Variants in TRPM3 observed in about 807,000 individuals in gnomAD.
TRPM3 encodes the protein transient receptor potential cation channel subfamily M member 3, also known as long transient receptor potential channel 3.
In TRPM3, 77 loss-of-function variants were observed where a neutral mutation model predicts 181.2. The ratio of observed to expected loss-of-function variants is 0.42; its 90% CI spans 0.35 to 0.51. The LOEUF is 0.51. Ranked by LOEUF, TRPM3 falls within the 20% of genes least tolerant of loss-of-function variation. The probability of loss-of-function intolerance (pLI) is 0.01; values close to 1 mark genes in which losing one functional copy is unlikely to be tolerated. For synonymous variants in TRPM3, 745 were observed against 796.4 expected, an observed-to-expected ratio of 0.94 and a Z score of 1.09; for missense variants, 1,759 against 2,196.7, an observed-to-expected ratio of 0.80 and a Z score of 3.98.
intron 24 of TRPM3, 110 bp downstream of exon 24, chr9:70,552,734 G>A (rs2046773526): frequency 2.7e-6 from 3 of 1,125,496 alleles, no homozygotes; most frequent in Middle Eastern, 5.8e-4. Context: ...GCTGTCTGCA[G>A]CCTGCAAGAG....
chr9:70,655,305 CAAAAAAAAAAAAAA>C (rs1169901529), intron 9 of TRPM3, among the ~76,000 whole-genome samples: 1 of 33,186 alleles, frequency 3.0e-5, no homozygotes, highest in South Asian at 2.1e-3. Flanking sequence ...GACTCCGTCT[CAAAAAAAAAAAAAA>C]AAAAAAAAAA....
At chr9:70,817,474 T>C (rs2092798850) in intron 6 of TRPM3, among the ~76,000 whole-genome samples, 1 of 152,226 alleles carries the variant, frequency 6.6e-6, no homozygotes. Context: ...GAAAAATTCC[T>C]GTCTCATTGA....
intron 1 of TRPM3, among the ~76,000 whole-genome samples, chr9:71,117,881 T>C (rs946047315): frequency 8.5e-5 from 13 of 152,132 alleles, no homozygotes; most frequent in Admixed American, 2.6e-4. Flanking sequence ...AGCCTTCCCT[T>C]CAGTAAGTTC....
chr9:70,538,058 T>C (rs969174859), intron 25 of TRPM3, among the ~76,000 whole-genome samples: 1 of 152,224 alleles, frequency 6.6e-6, no homozygotes, highest in Non-Finnish European at 1.5e-5. Flanking sequence ...CATCCAGGAT[T>C]GATCTAATCT....
rs75582183 is a variant in TRPM3, at chr9:70,661,319, C to T, written c.1345+20187G>A. On this transcript the variant is annotated intron_variant, in intron 9 of 25. Coordinates refer to ENST00000677713, the MANE Select transcript of TRPM3 (RefSeq NM_001366145.2). ...TAATAAAAGCCATATCTGACAAACCCACAGCCAATGTCACACTAAACTGGG... is the reference window on the plus strand; with the variant it reads ...TAATAAAAGCCATATCTGACAAACCTACAGCCAATGTCACACTAAACTGGG... Among the ~76,000 whole-genome samples the T allele has an allele frequency of 2.0e-3, 299 of 152,054 alleles. 1 individual carries two copies. The highest frequency in any genetic ancestry group is 6.7e-3 in the African/African-American group (280 of 41,488).
intron 1 of TRPM3, among the ~76,000 whole-genome samples, chr9:71,353,286 C>T (rs573241393): frequency 4.6e-5 from 7 of 152,198 alleles, no homozygotes; most frequent in South Asian, 2.1e-4. Context: ...ACACTAAAAA[C>T]GCTGTGGAGG....
intron 22 of TRPM3, among the ~76,000 whole-genome samples, chr9:70,563,285 C>T (rs2049619369): frequency 1.3e-5 from 2 of 152,198 alleles, no homozygotes; most frequent in Non-Finnish European, 2.9e-5. Context: ...CCAGAAGAAC[C>T]ATGCAGCCAA....
At chr9:70,972,627 T>C (rs1004327471) in intron 1 of TRPM3, among the ~76,000 whole-genome samples, 3 of 152,200 alleles carry the variant, frequency 2.0e-5, no homozygotes, top group African/African-American at 7.2e-5. Context: ...ATGTAAATTA[T>C]AACTCAAAAA....
rs549453726 is a variant in TRPM3, at chr9:70,694,617, A to T, written c.1273-13039T>A. Among the ~76,000 whole-genome samples, 24 of 152,178 alleles carry T rather than the reference A, an allele frequency of 1.6e-4. No individual in the cohort carries two copies. The East Asian group carries it at 4.7e-3, about 30-fold the overall frequency. On this transcript the variant is annotated intron_variant, in intron 8 of 25. Coordinates refer to ENST00000677713, the MANE Select transcript of TRPM3 (RefSeq NM_001366145.2). ...TGCCTCAGCCTCCCGAGTAGCTGGG[A>T]CTACAGGCACCCGCCACCACGCCCG...
chr9:71,054,243 A>G (rs1429236302), intron 1 of TRPM3, among the ~76,000 whole-genome samples: 1 of 152,104 alleles, frequency 6.6e-6, no homozygotes, highest in Non-Finnish European at 1.5e-5. Context: ...CAAACATCAC[A>G]GTTCCAAGAA....
intron 22 of TRPM3, among the ~76,000 whole-genome samples, chr9:70,563,291 G>A (rs1235033167): frequency 2.0e-5 from 3 of 152,176 alleles, no homozygotes; most frequent in Admixed American, 1.3e-4. Context: ...GAACCATGCA[G>A]CCAACTCTCA....
At chr9:70,659,918 T>C (rs1340865900) in intron 9 of TRPM3, among the ~76,000 whole-genome samples, 1 of 152,192 alleles carries the variant, frequency 6.6e-6, no homozygotes, top group East Asian at 1.9e-4. Context: ...ATGGATCGAC[T>C]TCACAGTAAT....
chr9:71,095,775 A>AAG (rs1049270073), intron 1 of TRPM3, among the ~76,000 whole-genome samples: 3 of 150,878 alleles, frequency 2.0e-5, no homozygotes, highest in African/African-American at 4.9e-5. Flanking sequence ...AAAAAAAAAA[A>AAG]AAAGAAAGAA....
At chr9:70,961,218 C>A (rs1487528044) in intron 1 of TRPM3, among the ~76,000 whole-genome samples, 1 of 151,954 alleles carries the variant, frequency 6.6e-6, no homozygotes, top group Non-Finnish European at 1.5e-5. Flanking sequence ...GGGACACAAG[C>A]CAAAGAATGC....
At position 70,780,854 on chromosome 9, in the gene TRPM3, G is replaced by A. The variant is rs112395159; in HGVS notation, c.1148+3251C>T. ...ATTTTTAAAGTTTTAATTTTAAAAC[G>A]TCTTAAGATCAAAAATTATACTTAA... is the stretch of plus-strand genomic sequence containing the variant. On this transcript the variant is annotated intron_variant, in intron 7 of 25. Transcript: ENST00000677713. Among the ~76,000 whole-genome samples the A allele has an allele frequency of 2.5e-3, 374 of 151,982 alleles. 3 individuals carry two copies. Among genetic ancestry groups the A allele is most frequent in the African/African-American group, 8.5e-3 (351 of 41,454 alleles).
At chr9:71,035,594 G>A (rs1043519594) in intron 1 of TRPM3, among the ~76,000 whole-genome samples, 1 of 152,132 alleles carries the variant, frequency 6.6e-6, no homozygotes, top group Non-Finnish European at 1.5e-5. Context: ...GCACATGCCT[G>A]TAATCCCAGC....
intron 7 of TRPM3, chr9:70,775,495 G>A (rs549091362): frequency 1.3e-5 from 2 of 152,286 alleles, no homozygotes; most frequent in South Asian, 4.2e-4. Context: ...AGGATACAGT[G>A]GATCTTGAGT....
chr9:71,046,668 T>C (rs1315167310), intron 1 of TRPM3, among the ~76,000 whole-genome samples: 2 of 152,192 alleles, frequency 1.3e-5, no homozygotes, highest in African/African-American at 2.4e-5. Flanking sequence ...CCTGGAGGAA[T>C]CTTCTTAACA....
At chr9:70,578,298 CAAAAAA>C (rs56376771) in intron 22 of TRPM3, among the ~76,000 whole-genome samples, 8 of 116,416 alleles carry the variant, frequency 6.9e-5, no homozygotes, top group South Asian at 3.0e-4. Context: ...CTTTTGTATC[CAAAAAA>C]AAAAAAAAAA....
Sources: gnomAD v4.1 joint callset for allele counts (sites outside exome capture counted in the v4.1 genomes callset) on GRCh38, gnomAD v4.1.1 for gene constraint, MANE v1.5 for transcripts, NCBI Gene and HGNC (gene_info 2026-07-23, HGNC 2026-07-21) for gene names.